The following IL23R variants were observed in gnomAD, a reference collection of about 807,000 sequenced individuals.
IL23R encodes the protein interleukin-23 receptor.
A neutral mutation model predicts 56.9 loss-of-function variants in IL23R; 34 were observed. The observed-to-expected ratio is 0.60, with a 90% CI of 0.45 to 0.80. IL23R has a LOEUF of 0.80. Ranked by LOEUF, IL23R falls within the 30% of genes least tolerant of loss-of-function variation. IL23R has a pLI of 0.00. For missense variants in IL23R, 635 were observed against 730.0 expected (o/e 0.87, Z 1.50); for synonymous variants, 230 against 249.2 (o/e 0.92, Z 0.73).
intron 3 of IL23R, among the ~76,000 whole-genome samples, chr1:67,171,819 T>A (rs1646947955): frequency 6.6e-6 from 1 of 152,186 alleles, no homozygotes; most frequent in Non-Finnish European, 1.5e-5. Context: ...AACACCACCT[T>A]CCGTGTGTTG....
intron 10 of IL23R, among the ~76,000 whole-genome samples, chr1:67,257,431 G>T (rs1385740447): frequency 6.6e-6 from 1 of 152,068 alleles, no homozygotes; most frequent in Admixed American, 6.5e-5. Context: ...CCGCCCTCAT[G>T]ACCTAATTAC....
At chr1:67,165,445 C>G (rs773603340), upstream of IL23R, among the ~76,000 whole-genome samples, 1 of 152,116 alleles carries the variant, frequency 6.6e-6, no homozygotes, top group Non-Finnish European at 1.5e-5. Context: ...ACCTTAGGAT[C>G]CAGCAATCCC....
At chr1:67,190,311 G>T (rs999126433) in intron 4 of IL23R, among the ~76,000 whole-genome samples, 1 of 151,972 alleles carries the variant, frequency 6.6e-6, no homozygotes, top group Non-Finnish European at 1.5e-5. Flanking sequence ...TGTCTGTTTT[G>T]CTTCAAGAGC....
At chr1:67,219,885 G>A (rs1335528137) in intron 7 of IL23R, among the ~76,000 whole-genome samples, 155 bp downstream of exon 7, 1 of 152,106 alleles carries the variant, frequency 6.6e-6, no homozygotes, top group African/African-American at 2.4e-5. Context: ...GGGCAACATA[G>A]TGAGACCCTA....
intron 7 of IL23R, among the ~76,000 whole-genome samples, chr1:67,227,983 TTTCTTTCTTTC>T (rs1650765969): frequency 1.3e-5 from 1 of 75,874 alleles, no homozygotes; most frequent in African/African-American, 4.9e-5. Context: ...TCTTTCTTTC[TTTCTTTCTTTC>T]TTTCTTTCTT....
chr1:67,228,183 C>A (rs1367731097), intron 7 of IL23R, among the ~76,000 whole-genome samples: 3 of 138,134 alleles, frequency 2.2e-5, no homozygotes, highest in Non-Finnish European at 4.6e-5. Flanking sequence ...TCCTTCCTTC[C>A]TTCCTTCCTT....
chr1:67,241,217 A>C (rs891018780), intron 9 of IL23R, among the ~76,000 whole-genome samples: 31 of 152,206 alleles, frequency 2.0e-4, no homozygotes, highest in Admixed American at 1.8e-3. Context: ...AAATGTACTT[A>C]TATGGTCTTT....
At chr1:67,195,031 T>C (rs1355725954) in intron 4 of IL23R, among the ~76,000 whole-genome samples, 1 of 152,246 alleles carries the variant, frequency 6.6e-6, no homozygotes, top group Non-Finnish European at 1.5e-5. Context: ...TCACATATCA[T>C]AAATATCTTC....
In IL23R at chr1:67,234,234, A is replaced by G. The variant is rs1205865305; in HGVS notation, c.956-2479A>G. 5.9e-5 allele frequency among the ~76,000 whole-genome samples: 9 copies of G among 152,160 alleles called. 1 individual carries two copies. The highest frequency in any genetic ancestry group is 2.0e-4 in the Admixed American group (3 of 15,268). On this transcript the variant is annotated intron_variant, in intron 7 of 10. Coordinates refer to ENST00000347310, the MANE Select transcript of IL23R (RefSeq NM_144701.3). ...ATCTACATAGCTTTGTTTCAGTCCT[A>G]TGTCTAACATTGGCTTGATTTCTTC...
intron 9 of IL23R, among the ~76,000 whole-genome samples, chr1:67,241,002 C>T (rs879540878): frequency 3.3e-5 from 5 of 152,312 alleles, no homozygotes; most frequent in Admixed American, 6.5e-5. Context: ...GCTATTGTTA[C>T]GGGCACATAC....
intron 1 of IL23R, among the ~76,000 whole-genome samples, chr1:67,157,788 A>C (rs1209853730): frequency 1.3e-5 from 2 of 152,320 alleles, no homozygotes; most frequent in East Asian, 3.9e-4. Context: ...TCACCATCTA[A>C]TATTGTATTT....
chr1:67,235,971 G>A (rs1651445761), intron 7 of IL23R, among the ~76,000 whole-genome samples: 1 of 152,208 alleles, frequency 6.6e-6, no homozygotes, highest in South Asian at 2.1e-4. Context: ...TGCCAGTTGG[G>A]AGAATTGTGT....
chr1:67,140,831 G>A (rs1300247535), intron 1 of IL23R, among the ~76,000 whole-genome samples: 1 of 152,002 alleles, frequency 6.6e-6, no homozygotes, highest in African/African-American at 2.4e-5. Context: ...GTCAACAATT[G>A]CATTTTCACA....
Position 67,222,084 on chromosome 1 carries a change from C to CTCTT in IL23R, c.955+2372_955+2375dup, listed in dbSNP as rs1312505981. The stretch of plus-strand genomic sequence containing the variant: ...AAACAACTTATTAGGGAATCCTTTT[C>CTCTT]TCTTTCTTTCTTTCTTTCTTTTTTT... On this transcript the variant is annotated intron_variant, in intron 7 of 10. Coordinates refer to ENST00000347310, the MANE Select transcript of IL23R (RefSeq NM_144701.3). Among the ~76,000 whole-genome samples, 327 of 123,668 alleles carry CTCTT rather than the reference C, an allele frequency of 2.6e-3. 6 individuals are homozygous for CTCTT. The highest frequency in any genetic ancestry group is 9.5e-3 in the African/African-American group (294 of 31,032). The allele number at this position is 123,668 out of a possible 152,430, so 81.1% of individuals were successfully genotyped here. A position where few individuals can be genotyped will look rare whatever the true frequency, so the allele number is the denominator to read the frequency against.
At chr1:67,182,189 G>T (rs915743983) in intron 3 of IL23R, among the ~76,000 whole-genome samples, 4 of 152,194 alleles carry the variant, frequency 2.6e-5, no homozygotes, top group African/African-American at 9.7e-5. Context: ...GTCTGCAGAG[G>T]TTTCTGCTGC....
intron 5 of IL23R, among the ~76,000 whole-genome samples, chr1:67,204,147 T>TC (rs1295645707): frequency 6.6e-6 from 1 of 152,134 alleles, no homozygotes; most frequent in Non-Finnish European, 1.5e-5. Flanking sequence ...CACTGCAAGC[T>TC]CCGCCTTCCG....
chr1:67,224,239 G>C (rs969506712), intron 7 of IL23R, among the ~76,000 whole-genome samples: 3 of 152,168 alleles, frequency 2.0e-5, no homozygotes, highest in African/African-American at 7.2e-5. Context: ...AGACTTCACA[G>C]CTGAAGTATG....
Position 67,259,033 on chromosome 1 carries a change from G to C in IL23R, c.1795G>C (p.Gly599Arg). 1 of 1,613,942 alleles carries C rather than the reference G, an allele frequency of 6.2e-7. No individual in the cohort carries two copies. The highest frequency in any genetic ancestry group is 8.5e-7 in the Non-Finnish European group (1 of 1,179,964). ...TCCTGATGAATTTGTCTCCTGTTTG[G>C]GGATCGTGAATGAGGAGTTGCCATC... ...LLPDEFVSCL[G>R]IVNEELPSIN... Residue 599 changes from glycine to arginine, a missense_variant, in exon 11 of 11, where the codon GGG becomes CGG. Physicochemically the swap from Gly to Arg is moderately radical, Grantham distance 125 (BLOSUM62 -2). Coordinates refer to ENST00000347310, the MANE Select transcript of IL23R (RefSeq NM_144701.3).
rs187117852 is a variant in IL23R at position 67,254,258 on chromosome 1, G to A, written c.1149-1579G>A. ...TAATTTTTATATTTTTGGTGGAGAC[G>A]GGATTTCACCATGTTGGCCAGGCTG... On this transcript the variant is annotated intron_variant, in intron 9 of 10. Coordinates refer to ENST00000347310, the MANE Select transcript of IL23R (RefSeq NM_144701.3). 1.0e-3 allele frequency among the ~76,000 whole-genome samples: 158 copies of A among 152,010 alleles called. 1 individual carries two copies. The highest frequency in any genetic ancestry group is 3.5e-3 in the African/African-American group (144 of 41,466).
Sources: allele counts gnomAD v4.1 joint callset (sites outside exome capture counted in the v4.1 genomes callset), GRCh38; gene constraint gnomAD v4.1.1; transcripts MANE v1.5; gene names NCBI Gene and HGNC (gene_info 2026-07-23, HGNC 2026-07-21).